Variants in LRBA observed in about 807,000 individuals in gnomAD.
LRBA encodes lipopolysaccharide-responsive and beige-like anchor protein.
In LRBA, 176 loss-of-function variants were observed where a neutral mutation model predicts 330.0. The observed-to-expected ratio is 0.53, with a 90% CI of 0.47 to 0.60. The LOEUF (loss-of-function observed/expected upper bound fraction) is 0.60. Among genes scored for constraint, LRBA ranks in the 20% least tolerant of loss-of-function variants. The pLI is 0.00. For synonymous variants in LRBA, 1,230 were observed against 1,193.0 expected (o/e 1.03, Z -0.64); for missense variants, 3,259 against 3,444.8 (o/e 0.95, Z 1.35).
At chr4:150,798,270 T>C (rs1309368081) in intron 33 of LRBA, 128 bp from the exon 34 acceptor site, 2 of 609,896 alleles carry the variant, frequency 3.3e-6, no homozygotes, top group East Asian at 5.6e-5. Flanking sequence ...AATCACATGA[T>C]CAAATAAGGT....
intron 2 of LRBA, among the ~76,000 whole-genome samples, chr4:150,991,439 T>G (rs1342991195): frequency 6.6e-6 from 1 of 152,206 alleles, no homozygotes; most frequent in Admixed American, 6.5e-5. Flanking sequence ...AAACAAATTG[T>G]AATTACATCC....
chr4:150,969,617 G>A (rs993199680), intron 2 of LRBA, among the ~76,000 whole-genome samples: 1 of 152,138 alleles, frequency 6.6e-6, no homozygotes, highest in African/African-American at 2.4e-5. Flanking sequence ...ACAGATGAAC[G>A]CCACAACACC....
At chr4:150,474,240 G>A (rs1182588163) in intron 42 of LRBA, among the ~76,000 whole-genome samples, 3 of 152,048 alleles carry the variant, frequency 2.0e-5, no homozygotes, top group Admixed American at 1.3e-4. Context: ...TTTCCTCACT[G>A]AATTGTGTTG....
intron 37 of LRBA, among the ~76,000 whole-genome samples, chr4:150,672,948 G>A (rs1282469694): frequency 6.6e-6 from 1 of 152,178 alleles, no homozygotes; most frequent in Non-Finnish European, 1.5e-5. Flanking sequence ...AAGGAGAAGG[G>A]AAGGAAAAGA....
At chr4:150,990,153 G>A (rs1741910250) in intron 2 of LRBA, among the ~76,000 whole-genome samples, 1 of 151,996 alleles carries the variant, frequency 6.6e-6, no homozygotes, top group Non-Finnish European at 1.5e-5. Context: ...GAATCCAGAG[G>A]AGAAATCCCA....
chr4:150,792,734 T>A (rs2126648481), intron 34 of LRBA, among the ~76,000 whole-genome samples: 1 of 152,278 alleles, frequency 6.6e-6, no homozygotes, highest in East Asian at 1.9e-4. Flanking sequence ...ATCGAACTCC[T>A]GGCCTCAAGC....
chr4:150,357,932 A>G (rs949417450), intron 47 of LRBA, among the ~76,000 whole-genome samples: 1 of 152,148 alleles, frequency 6.6e-6, no homozygotes, highest in African/African-American at 2.4e-5. Context: ...TCTAGCAGGC[A>G]ACATAAAGAA....
At chr4:151,002,911 G>A (rs1297727261) in intron 2 of LRBA, among the ~76,000 whole-genome samples, 1 of 152,068 alleles carries the variant, frequency 6.6e-6, no homozygotes, top group African/African-American at 2.4e-5. Context: ...CTACTCAGGA[G>A]GCTGAGATGA....
intron 36 of LRBA, among the ~76,000 whole-genome samples, chr4:150,686,704 T>A (rs1178665704): frequency 6.6e-6 from 1 of 152,136 alleles, no homozygotes; most frequent in Non-Finnish European, 1.5e-5. Context: ...AATCTACTGA[T>A]GAGATTTAGA....
Position 150,265,470 on chromosome 4 carries a change from A to T in LRBA, c.*252T>A. ...CCACTGTATGTTTCCATAATTGGTG[A>T]AAATAGACTTCTCATTATGACTAAA... On this transcript the variant is annotated 3_prime_UTR_variant, in exon 57 of 57. Coordinates refer to ENST00000651943, the MANE Select transcript of LRBA (RefSeq NM_001364905.1). 3.0e-6 allele frequency: 1 copy of T among 337,802 alleles called. No individual in the cohort carries two copies. Among genetic ancestry groups the T allele is most frequent in the East Asian group, 5.6e-5 (1 of 17,956 alleles). The allele number at this position is 337,802 out of a possible 1,614,324, so 20.9% of individuals were successfully genotyped here.
chr4:151,005,270 C>T (rs1306063554), intron 2 of LRBA, among the ~76,000 whole-genome samples: 1 of 151,666 alleles, frequency 6.6e-6, no homozygotes, highest in African/African-American at 2.4e-5. Flanking sequence ...ATAGTGAAAG[C>T]CTGTCTCTAC....
rs1199810885 is a variant in LRBA, at chr4:150,740,172, C to A, written c.5646-4806G>T. Among the ~76,000 whole-genome samples, 2 of 151,700 alleles carry A rather than the reference C, an allele frequency of 1.3e-5. 1 individual carries two copies. Among genetic ancestry groups the A allele is most frequent in the Non-Finnish European group, 2.9e-5 (2 of 67,912 alleles). Reference sequence around the variant, plus strand: ...AGTAAAACATAGTAAAAACAATGTGCCAAAATCTGTGGATTTAGATAAACC... The same window carrying A: ...AGTAAAACATAGTAAAAACAATGTGACAAAATCTGTGGATTTAGATAAACC... On this transcript the variant is annotated intron_variant, in intron 35 of 56. Coordinates refer to ENST00000651943, the MANE Select transcript of LRBA (RefSeq NM_001364905.1).
intron 17 of LRBA, among the ~76,000 whole-genome samples, chr4:150,874,508 G>A (rs112585395): frequency 3.9e-4 from 60 of 152,274 alleles, no homozygotes; most frequent in African/African-American, 1.2e-3. Context: ...ACTCTACCCC[G>A]TCGCAGGCCT....
chr4:150,535,881 G>GA (rs1764605127), intron 40 of LRBA, among the ~76,000 whole-genome samples: 1 of 151,990 alleles, frequency 6.6e-6, no homozygotes, highest in African/African-American at 2.4e-5. Flanking sequence ...ACAGAACTTC[G>GA]ACATGACTAA....
chr4:150,612,565 C>T (rs1037722958), intron 37 of LRBA, among the ~76,000 whole-genome samples: 2 of 152,178 alleles, frequency 1.3e-5, no homozygotes, highest in African/African-American at 4.8e-5. Flanking sequence ...CAATTATTTA[C>T]ATTCTAAAGT....
At chr4:150,773,483 T>C (rs1350812423) in intron 34 of LRBA, among the ~76,000 whole-genome samples, 4 of 152,248 alleles carry the variant, frequency 2.6e-5, no homozygotes, top group African/African-American at 9.6e-5. Flanking sequence ...CTGGTTATGC[T>C]TATAATAATA....
Position 150,806,460 on chromosome 4 carries a change from A to G in LRBA, c.5385-56T>C, listed in dbSNP as rs1419232308. On this transcript the variant is annotated intron_variant, in intron 32 of 56. Coordinates refer to ENST00000651943, the MANE Select transcript of LRBA (RefSeq NM_001364905.1). ...ATTCAACAGATTGTATCAATTTTCT[A>G]GTTTTGAAAATAAAGATGTATTTCC... 26 of 1,224,662 alleles carry G rather than the reference A, an allele frequency of 2.1e-5. 1 individual carries two copies. Among genetic ancestry groups the G allele is most frequent in the Middle Eastern group, 2.1e-4 (1 of 4,800 alleles). 75.9% of individuals were successfully genotyped at this position (1,224,662 alleles called of 1,614,324 possible).
Position 150,321,177 on chromosome 4 carries a change from A to C in LRBA, c.7630+14T>G, listed in dbSNP as rs1732460968. On this transcript the variant is annotated intron_variant, in intron 50 of 56. Transcript: ENST00000651943. The surrounding 1 kb of genome is among the most constrained non-coding windows in gnomAD (Gnocchi z 4.5). ...AGCAGTTACCATGCCTTATAATGGT[A>C]TTTCTTTACTTACCAGGAAGGTTGT... is the stretch of plus-strand genomic sequence containing the variant. The C allele has an allele frequency of 6.2e-7, 1 of 1,603,158 alleles. No individual in the cohort carries two copies. Among genetic ancestry groups the C allele is most frequent in the Non-Finnish European group, 8.5e-7 (1 of 1,175,524 alleles).
At chr4:150,879,026 C>T (rs894861621) in intron 17 of LRBA, among the ~76,000 whole-genome samples, 4 of 151,918 alleles carry the variant, frequency 2.6e-5, no homozygotes, top group African/African-American at 4.8e-5. Flanking sequence ...TTTTACAAAG[C>T]CGGCATCACC....
Sources: gnomAD v4.1 joint callset for allele counts (sites outside exome capture counted in the v4.1 genomes callset) on GRCh38, gnomAD v4.1.1 for gene constraint, Gnocchi (gnomAD v3.1) non-coding constraint, MANE v1.5 for transcripts, NCBI Gene and HGNC (gene_info 2026-07-23, HGNC 2026-07-21) for gene names.